The following FRMD4A variants were observed in gnomAD, a reference collection of about 807,000 sequenced individuals.
FRMD4A encodes FERM domain-containing protein 4A.
FRMD4A carries 29 observed loss-of-function variants against 129.1 expected under a neutral mutation model. That is an observed-to-expected ratio of 0.22 (90% CI 0.17 to 0.31). The LOEUF is 0.31. Ranked by LOEUF, FRMD4A falls within the 10% of genes least tolerant of loss-of-function variation. FRMD4A has a pLI of 1.00. For synonymous variants in FRMD4A, 634 were observed against 571.6 expected, an observed-to-expected ratio of 1.11 and a Z score of -1.56; for missense variants, 1,272 against 1,375.8, an observed-to-expected ratio of 0.92 and a Z score of 1.19.
At chr10:13,929,590 T>C (rs2095171262) in intron 2 of FRMD4A, among the ~76,000 whole-genome samples, 1 of 152,158 alleles carries the variant, frequency 6.6e-6, no homozygotes, top group South Asian at 2.1e-4. Flanking sequence ...TAGGCTTATT[T>C]TGCCACCTGA....
At chr10:14,143,795 G>T (rs1238686700) in intron 2 of FRMD4A, among the ~76,000 whole-genome samples, 2 of 152,046 alleles carry the variant, frequency 1.3e-5, no homozygotes, top group African/African-American at 4.8e-5. Flanking sequence ...TTGTATGTTT[G>T]TAGAGATGGG....
intron 2 of FRMD4A, among the ~76,000 whole-genome samples, chr10:14,131,498 T>A (rs1459400448): frequency 7.3e-5 from 11 of 151,670 alleles, no homozygotes; most frequent in Non-Finnish European, 1.2e-4. Context: ...CTGGAGACTG[T>A]CGGGAAAGAC....
At chr10:14,280,225 C>A (rs148691114) in intron 2 of FRMD4A, among the ~76,000 whole-genome samples, 13 of 152,284 alleles carry the variant, frequency 8.5e-5, no homozygotes, top group East Asian at 3.9e-4. Flanking sequence ...CGCCCTGGAA[C>A]CTTTGCTTGG....
chr10:14,046,578 T>A (rs1418561066), intron 2 of FRMD4A, among the ~76,000 whole-genome samples: 1 of 152,102 alleles, frequency 6.6e-6, no homozygotes, highest in Non-Finnish European at 1.5e-5. Context: ...AATGCCAAGG[T>A]AGAGGTAATT....
rs566250867 is a variant in FRMD4A at position 13,736,487 on chromosome 10, T to A, written c.759+1357A>T. 2.6e-4 allele frequency among the ~76,000 whole-genome samples: 40 copies of A among 152,270 alleles called. No homozygotes were observed. The South Asian group carries it at 8.1e-3, about 31-fold the overall frequency. The stretch of plus-strand genomic sequence containing the variant: ...TCCTGAATTGTTCTCAGTCAATAAT[T>A]CCCCCATCATTTGCTCAGCATCTTT... On this transcript the variant is annotated intron_variant, in intron 12 of 24. Transcript: ENST00000357447.
chr10:13,975,221 G>A (rs892479696), intron 2 of FRMD4A, among the ~76,000 whole-genome samples: 14 of 151,532 alleles, frequency 9.2e-5, no homozygotes, highest in African/African-American at 3.4e-4. Flanking sequence ...GTTAATGTGT[G>A]TGTGTATGTG....
intron 4 of FRMD4A, among the ~76,000 whole-genome samples, chr10:13,804,099 C>T (rs534070788): frequency 3.2e-4 from 48 of 152,258 alleles, no homozygotes; most frequent in Non-Finnish European, 4.9e-4. Flanking sequence ...CCGTTGTTTC[C>T]GACAACACAG....
At chr10:13,975,195 T>G (rs1418792585) in intron 2 of FRMD4A, among the ~76,000 whole-genome samples, 3 of 151,824 alleles carry the variant, frequency 2.0e-5, no homozygotes, top group Admixed American at 6.6e-5. Flanking sequence ...TGTGTCTGTG[T>G]GTATGTCTAT....
rs1013186974 is a variant in FRMD4A, at chr10:13,825,869, G to C, written c.112-14961C>G. Reference sequence around the variant, plus strand: ...AGGAACTACTGCATCTAACGGACTTGAGCATCTGATGATTTTGGTATCTTA... The same window carrying C: ...AGGAACTACTGCATCTAACGGACTTCAGCATCTGATGATTTTGGTATCTTA... On this transcript the variant is annotated intron_variant, in intron 3 of 24. Transcript: ENST00000357447. Among the ~76,000 whole-genome samples the C allele has an allele frequency of 9.8e-5, 15 of 152,372 alleles. 1 individual carries two copies. Among genetic ancestry groups the C allele is most frequent in the African/African-American group, 3.4e-4 (14 of 41,588 alleles).
At chr10:14,073,796 A>G (rs557898219) in intron 2 of FRMD4A, among the ~76,000 whole-genome samples, 9 of 152,276 alleles carry the variant, frequency 5.9e-5, no homozygotes, top group Admixed American at 3.9e-4. Flanking sequence ...GTTGCCCTGT[A>G]TAAATTGGGT....
intron 12 of FRMD4A, among the ~76,000 whole-genome samples, chr10:13,719,825 G>A (rs2089247991): frequency 6.6e-6 from 1 of 152,042 alleles, no homozygotes; most frequent in South Asian, 2.1e-4. Flanking sequence ...ATTATTCAAG[G>A]GTCTGCAGTA....
intron 2 of FRMD4A, among the ~76,000 whole-genome samples, chr10:14,253,363 AGAATTCCCAC>A (rs1844503500): frequency 6.6e-6 from 1 of 152,246 alleles, no homozygotes; most frequent in Non-Finnish European, 1.5e-5. Flanking sequence ...AGCTTAGCAA[AGAATTCCCAC>A]GTGACTAACT....
intron 2 of FRMD4A, among the ~76,000 whole-genome samples, chr10:14,261,193 C>T (rs1334063786): frequency 6.6e-6 from 1 of 152,160 alleles, no homozygotes; most frequent in East Asian, 1.9e-4. Context: ...GAGAGAGTGG[C>T]TGCGTGGAAC....
intron 2 of FRMD4A, among the ~76,000 whole-genome samples, chr10:14,188,308 T>A (rs1024256254): frequency 5.9e-5 from 9 of 152,130 alleles, no homozygotes; most frequent in African/African-American, 1.9e-4. Context: ...TTTGGTTGCT[T>A]TTCTCAGACT....
rs186315373 is a variant in FRMD4A, at chr10:14,243,903, T to C, written c.45+86155A>G. ...CATTCAAATAGGCATTAAGAAGAAA[T>C]GGGCCCTCAGTTGTATATCTAAAAT... On this transcript the variant is annotated intron_variant, in intron 2 of 24. Coordinates refer to ENST00000357447, the MANE Select transcript of FRMD4A (RefSeq NM_018027.5). 1.1e-3 allele frequency among the ~76,000 whole-genome samples: 170 copies of C among 150,638 alleles called. 3 individuals are homozygous for C. Among genetic ancestry groups the C allele is most frequent in the Admixed American group, 5.4e-3 (82 of 15,112 alleles).
intron 2 of FRMD4A, among the ~76,000 whole-genome samples, chr10:13,951,693 G>A (rs968883718): frequency 4.0e-5 from 6 of 151,698 alleles, no homozygotes; most frequent in Non-Finnish European, 8.8e-5. Flanking sequence ...AGTTCAAGAC[G>A]AGCCTGGCCA....
At chr10:13,988,385 C>T (rs1370933092) in intron 2 of FRMD4A, among the ~76,000 whole-genome samples, 2 of 152,166 alleles carry the variant, frequency 1.3e-5, no homozygotes, top group Admixed American at 1.3e-4. Flanking sequence ...TCCCCAGTGC[C>T]CAAGAAAGGA....
intron 2 of FRMD4A, among the ~76,000 whole-genome samples, chr10:13,996,613 TAGGCATAATG>T (rs2095623416): frequency 6.6e-6 from 1 of 152,176 alleles, no homozygotes. Flanking sequence ...GAAGGGGAAC[TAGGCATAATG>T]TAACTGGGTG....
chr10:14,011,327 G>A (rs963232106), intron 2 of FRMD4A, among the ~76,000 whole-genome samples: 1 of 152,188 alleles, frequency 6.6e-6, no homozygotes, highest in Admixed American at 6.5e-5. Context: ...AGGGGACGGA[G>A]GGGCTAAGAA....
Sources: gnomAD v4.1 joint callset for allele counts (sites outside exome capture counted in the v4.1 genomes callset) on GRCh38, gnomAD v4.1.1 for gene constraint, MANE v1.5 for transcripts, NCBI Gene and HGNC (gene_info 2026-07-23, HGNC 2026-07-21) for gene names.